The following KCNAB1 variants were observed in gnomAD, a reference collection of about 807,000 sequenced individuals.
The protein encoded by KCNAB1 is voltage-gated potassium channel subunit beta-1.
KCNAB1 carries 35 observed loss-of-function variants against 64.6 expected under a neutral mutation model. The ratio of observed to expected loss-of-function variants is 0.54; its 90% CI spans 0.41 to 0.72. The LOEUF (loss-of-function observed/expected upper bound fraction) is 0.72, where lower values mean the gene tolerates loss of function less well. Among genes scored for constraint, KCNAB1 ranks in the 30% least tolerant of loss-of-function variants. The pLI, the probability that KCNAB1 is intolerant of heterozygous loss-of-function variation, is 0.00. For missense variants in KCNAB1, 401 were observed against 512.9 expected (o/e 0.78, Z 2.11); for synonymous variants, 177 against 183.8 (o/e 0.96, Z 0.30).
intron 1 of KCNAB1, among the ~76,000 whole-genome samples, chr3:156,144,033 A>G (rs1180899988): frequency 6.6e-6 from 1 of 152,008 alleles, no homozygotes; most frequent in Non-Finnish European, 1.5e-5. Context: ...AAAAGGAGAA[A>G]TGTTTTCTTG....
intron 1 of KCNAB1, among the ~76,000 whole-genome samples, chr3:156,169,742 C>T (rs947728635): frequency 3.9e-5 from 6 of 152,216 alleles, no homozygotes; most frequent in African/African-American, 1.4e-4. Flanking sequence ...CACTTGCGCT[C>T]TTTCTCTCCT....
chr3:156,516,218 A>G, intron 10 of KCNAB1, 52 bp from the exon 11 acceptor site: 2 of 1,354,652 alleles, frequency 1.5e-6, no homozygotes, highest in Non-Finnish European at 2.1e-6. Flanking sequence ...ACCGCCACCC[A>G]CCTTTTGATC....
At chr3:156,440,803 T>C (rs560258360) in intron 2 of KCNAB1, among the ~76,000 whole-genome samples, 1 of 152,296 alleles carries the variant, frequency 6.6e-6, no homozygotes, top group East Asian at 1.9e-4. Flanking sequence ...CAGACACAGA[T>C]GAAATAAGCT....
intron 1 of KCNAB1, among the ~76,000 whole-genome samples, chr3:156,191,504 A>G (rs900867951): frequency 3.3e-5 from 5 of 152,208 alleles, no homozygotes; most frequent in African/African-American, 1.2e-4. Context: ...AGTAAAGCCT[A>G]TATGCAACCC....
At chr3:156,134,344 A>C (rs1577619732) in intron 1 of KCNAB1, among the ~76,000 whole-genome samples, 1 of 152,214 alleles carries the variant, frequency 6.6e-6, no homozygotes, top group Middle Eastern at 3.4e-3. Context: ...TGCTGCTGTC[A>C]GGATGCCTGC....
intron 1 of KCNAB1, among the ~76,000 whole-genome samples, chr3:156,364,330 A>G (rs931650636): frequency 6.6e-6 from 1 of 152,232 alleles, no homozygotes; most frequent in Non-Finnish European, 1.5e-5. Context: ...TCCATTTTTC[A>G]TGTCAGAAAT....
intron 8 of KCNAB1, among the ~76,000 whole-genome samples, chr3:156,505,938 G>T (rs1171691246): frequency 6.6e-6 from 1 of 152,156 alleles, no homozygotes; most frequent in Non-Finnish European, 1.5e-5. Flanking sequence ...AGGAGATGAT[G>T]CCAAACCATT....
chr3:156,359,125 C>T (rs572981408), intron 1 of KCNAB1, among the ~76,000 whole-genome samples: 2 of 152,198 alleles, frequency 1.3e-5, no homozygotes, highest in African/African-American at 4.8e-5. Flanking sequence ...ATATTACTTG[C>T]AGAACTTCTT....
intron 1 of KCNAB1, among the ~76,000 whole-genome samples, chr3:156,189,744 C>CT (rs1713439119): frequency 1.3e-5 from 2 of 152,134 alleles, no homozygotes; most frequent in Non-Finnish European, 2.9e-5. Context: ...ATGCTTTATA[C>CT]TTTTCAGACA....
chr3:156,518,515 A>C (rs1717712969), intron 11 of KCNAB1, among the ~76,000 whole-genome samples: 1 of 150,456 alleles, frequency 6.6e-6, no homozygotes, highest in Non-Finnish European at 1.5e-5. Context: ...TTAAATTAAA[A>C]GATAGATATC....
intron 1 of KCNAB1, among the ~76,000 whole-genome samples, chr3:156,376,272 G>A (rs530095930): frequency 1.2e-4 from 19 of 152,214 alleles, no homozygotes; most frequent in Non-Finnish European, 2.4e-4. Context: ...GGCAGTGTGA[G>A]AGCAACAGTG....
chr3:156,298,501 G>A (rs1720941369), intron 1 of KCNAB1, among the ~76,000 whole-genome samples: 1 of 152,120 alleles, frequency 6.6e-6, no homozygotes, highest in African/African-American at 2.4e-5. Context: ...TTTGAGAAAT[G>A]TTCTGAAAGG....
intron 8 of KCNAB1, among the ~76,000 whole-genome samples, chr3:156,483,664 A>G (rs181818324): frequency 2.2e-4 from 33 of 152,218 alleles, no homozygotes; most frequent in African/African-American, 7.7e-4. Context: ...GAACTGAATA[A>G]TCTTAAGTCA....
chr3:156,391,696 A>G (rs1279185427), intron 1 of KCNAB1, among the ~76,000 whole-genome samples: 2 of 152,216 alleles, frequency 1.3e-5, no homozygotes, highest in Non-Finnish European at 2.9e-5. Context: ...AGATGATTCT[A>G]ACAGAACGGG....
chr3:156,451,001 C>CT (rs1395225319), intron 2 of KCNAB1, among the ~76,000 whole-genome samples: 1 of 152,196 alleles, frequency 6.6e-6, no homozygotes, highest in East Asian at 1.9e-4. Flanking sequence ...AGCTACTACT[C>CT]TTTGATTTCA....
At chr3:156,340,825 G>A (rs961965745) in intron 1 of KCNAB1, among the ~76,000 whole-genome samples, 2 of 152,100 alleles carry the variant, frequency 1.3e-5, no homozygotes, top group Non-Finnish European at 2.9e-5. Context: ...TGTCTTTATT[G>A]GCTATCTTTG....
intron 1 of KCNAB1, among the ~76,000 whole-genome samples, chr3:156,141,023 A>T (rs577621830): frequency 5.3e-5 from 8 of 151,654 alleles, no homozygotes; most frequent in African/African-American, 1.9e-4. Flanking sequence ...AGCTGGAATC[A>T]TGTGGTGGAA....
At chr3:156,529,185 G>A (rs1718523981) in intron 12 of KCNAB1, among the ~76,000 whole-genome samples, 1 of 152,148 alleles carries the variant, frequency 6.6e-6, no homozygotes. Context: ...GGTACATAGT[G>A]CAACACGGAA....
chr3:156,332,763 A>G (rs574651165), intron 1 of KCNAB1, among the ~76,000 whole-genome samples: 120 of 152,302 alleles, frequency 7.9e-4, no homozygotes, highest in Non-Finnish European at 1.3e-3. Flanking sequence ...TAAAATAATA[A>G]TAAAATTGTG....
Sources: allele counts gnomAD v4.1 joint callset (sites outside exome capture counted in the v4.1 genomes callset), GRCh38; gene constraint gnomAD v4.1.1; transcripts MANE v1.5; gene names NCBI Gene and HGNC (gene_info 2026-07-23, HGNC 2026-07-21).